Variants in EHBP1 observed in about 807,000 individuals in gnomAD.
EHBP1 encodes EH domain-binding protein 1.
A neutral mutation model predicts 144.0 loss-of-function variants in EHBP1; 55 were observed. The ratio of observed to expected loss-of-function variants is 0.38; its 90% CI spans 0.31 to 0.48. EHBP1 has a LOEUF of 0.48. EHBP1 is among the 20% of genes least tolerant of loss of function. EHBP1 has a pLI of 0.98. For synonymous variants in EHBP1, 469 were observed against 472.7 expected (o/e 0.99, Z 0.10); for missense variants, 1,200 against 1,364.2 (o/e 0.88, Z 1.90).
intron 5 of EHBP1, among the ~76,000 whole-genome samples, chr2:62,810,450 C>T (rs1398873819): frequency 1.3e-5 from 2 of 152,118 alleles, no homozygotes; most frequent in African/African-American, 4.8e-5. Flanking sequence ...GCAGTTAGAG[C>T]CAACTTGTTT....
At chr2:62,863,837 GTTGTTTTTTTTT>G (rs1225158970) in intron 8 of EHBP1, among the ~76,000 whole-genome samples, 3 of 74,576 alleles carry the variant, frequency 4.0e-5, no homozygotes, top group Admixed American at 1.8e-4. Context: ...ATTTTTCTGT[GTTGTTTTTTTTT>G]TTTTTTTTTT....
At chr2:62,898,738 G>C (rs1285914052) in intron 10 of EHBP1, among the ~76,000 whole-genome samples, 1 of 152,136 alleles carries the variant, frequency 6.6e-6, no homozygotes, top group African/African-American at 2.4e-5. Flanking sequence ...GAAAGGAAAA[G>C]AAAGAGGGAG....
At chr2:62,749,827 GTTGT>G (rs1158343830) in intron 3 of EHBP1, among the ~76,000 whole-genome samples, 1 of 152,140 alleles carries the variant, frequency 6.6e-6, no homozygotes, top group Non-Finnish European at 1.5e-5. Context: ...TGTTGATGGA[GTTGT>G]TTGTTTTATT....
At chr2:62,705,409 C>T (rs1310479653), upstream of EHBP1, among the ~76,000 whole-genome samples, 1 of 152,096 alleles carries the variant, frequency 6.6e-6, no homozygotes, top group African/African-American at 2.4e-5. Flanking sequence ...TCACTATAAA[C>T]ACTCCCTATT....
chr2:62,687,048 A>C (rs72807559), intron 1 of EHBP1, among the ~76,000 whole-genome samples: 1,752 of 152,296 alleles, frequency 0.012, 16 homozygotes, highest in Admixed American at 0.026. Flanking sequence ...GCCAACCCAA[A>C]GTCTACGCTC....
At chr2:62,775,194 T>C (rs568388692) in intron 5 of EHBP1, among the ~76,000 whole-genome samples, 1 of 152,284 alleles carries the variant, frequency 6.6e-6, no homozygotes, top group East Asian at 1.9e-4. Context: ...TATTGTAAGG[T>C]ATGGGAAAGT....
intron 7 of EHBP1, among the ~76,000 whole-genome samples, chr2:62,853,324 G>A (rs896046599): frequency 3.3e-5 from 5 of 152,190 alleles, no homozygotes; most frequent in Admixed American, 3.3e-4. Flanking sequence ...TTCACCAGGA[G>A]TTGGTTCCAT....
chr2:62,693,188 T>C (rs1183298759), intron 1 of EHBP1, among the ~76,000 whole-genome samples: 1 of 152,104 alleles, frequency 6.6e-6, no homozygotes, highest in Non-Finnish European at 1.5e-5. Flanking sequence ...CAAATAACAG[T>C]ATCTCATTCT....
At chr2:63,017,892 G>A (rs2060548552) in intron 19 of EHBP1, among the ~76,000 whole-genome samples, 1 of 152,184 alleles carries the variant, frequency 6.6e-6, no homozygotes, top group Non-Finnish European at 1.5e-5. Flanking sequence ...AGCTGAGTGT[G>A]GTGGCACCCA....
chr2:62,943,115 G>A (rs1263993658), intron 11 of EHBP1, among the ~76,000 whole-genome samples: 15 of 152,148 alleles, frequency 9.9e-5, no homozygotes, highest in Non-Finnish European at 2.9e-5. Context: ...GGCGGCTCAC[G>A]CCTATAATCT....
rs550115832 is a variant in EHBP1, at chr2:62,817,517, G to T, written c.313-8570G>T. Among the ~76,000 whole-genome samples the T allele has an allele frequency of 2.0e-5, 3 of 152,276 alleles. 1 individual carries two copies. The highest frequency in any genetic ancestry group is 7.2e-5 in the African/African-American group (3 of 41,548). ...TCAAAGAGCAAAGTCAGGAAGGCCT[G>T]GTGATATAGGGCCTGTCGGTCCAGT... is the stretch of plus-strand genomic sequence containing the variant. On this transcript the variant is annotated intron_variant, in intron 5 of 22. Transcript: ENST00000431489.
At chr2:62,852,521 T>C (rs2048751775) in intron 7 of EHBP1, among the ~76,000 whole-genome samples, 1 of 152,116 alleles carries the variant, frequency 6.6e-6, no homozygotes, top group South Asian at 2.1e-4. Flanking sequence ...TGAATAATAA[T>C]TCTTTTTTGA....
intron 10 of EHBP1, among the ~76,000 whole-genome samples, chr2:62,892,509 T>C (rs1377754024): frequency 1.3e-5 from 2 of 152,162 alleles, no homozygotes; most frequent in Non-Finnish European, 2.9e-5. Context: ...TTGACTTTAA[T>C]GAACTAAATA....
chr2:62,941,673 A>G (rs574001196), intron 10 of EHBP1, among the ~76,000 whole-genome samples: 1 of 152,246 alleles, frequency 6.6e-6, no homozygotes, highest in South Asian at 2.1e-4. Flanking sequence ...TGTAGTAAGA[A>G]TGCTTTGCTT....
chr2:62,706,958 C>T lies in EHBP1; in HGVS notation c.-234C>T, dbSNP rs2034653414. The T allele has an allele frequency of 4.3e-6, 2 of 469,382 alleles. No individual in the cohort carries two copies. Among genetic ancestry groups the T allele is most frequent in the South Asian group, 2.4e-5 (1 of 41,344 alleles). The allele number at this position is 469,382 out of a possible 1,614,324, so 29.1% of individuals were successfully genotyped here. A position where few individuals can be genotyped will look rare whatever the true frequency, so the allele number is the denominator to read the frequency against. Reference sequence around the variant, plus strand: ...CATGGTGATGTCTCCATGAGGGAACCCCTTCCCACTCATCCTGTCACGTAT... The same window carrying T: ...CATGGTGATGTCTCCATGAGGGAACTCCTTCCCACTCATCCTGTCACGTAT... On this transcript the variant is annotated 5_prime_UTR_variant, in exon 2 of 23. Coordinates refer to ENST00000431489, the MANE Select transcript of EHBP1 (RefSeq NM_001142616.3).
chr2:62,939,328 G>A (rs1453089212), intron 10 of EHBP1, among the ~76,000 whole-genome samples: 2 of 152,132 alleles, frequency 1.3e-5, no homozygotes, highest in African/African-American at 4.8e-5. Context: ...AGGCTGGAGT[G>A]CAGTGGTGCA....
chr2:62,957,210 G>A (rs1028263647), intron 14 of EHBP1, among the ~76,000 whole-genome samples: 10 of 152,060 alleles, frequency 6.6e-5, no homozygotes, highest in African/African-American at 1.9e-4. Context: ...CTCAAGCAAT[G>A]TAATTGACAA....
At chr2:62,774,019 T>G (rs781649598) in intron 5 of EHBP1, among the ~76,000 whole-genome samples, 1 of 151,882 alleles carries the variant, frequency 6.6e-6, no homozygotes, top group Non-Finnish European at 1.5e-5. Flanking sequence ...CTGATCAACT[T>G]TATTGAACTT....
Position 62,874,538 on chromosome 2 carries a change from A to G in EHBP1, c.1185+6A>G, listed in dbSNP as rs772154494. On this transcript the variant is annotated splice_donor_region_variant and intron_variant, in intron 10 of 22. Coordinates refer to ENST00000431489, the MANE Select transcript of EHBP1 (RefSeq NM_001142616.3). Reference sequence around the variant, plus strand: ...ATCTCTCTACTTCTCCTAAGGTAGGATTTTATTCATAGTAAAACATGTATT... The same window carrying G: ...ATCTCTCTACTTCTCCTAAGGTAGGGTTTTATTCATAGTAAAACATGTATT... 2.5e-6 allele frequency: 4 copies of G among 1,574,402 alleles called. No homozygotes were observed. Among genetic ancestry groups the G allele is most frequent in the Non-Finnish European group, 3.4e-6 (4 of 1,161,266 alleles).
Sources: allele counts gnomAD v4.1 joint callset (sites outside exome capture counted in the v4.1 genomes callset), GRCh38; gene constraint gnomAD v4.1.1; transcripts MANE v1.5; gene names NCBI Gene and HGNC (gene_info 2026-07-23, HGNC 2026-07-21).